The following ATXN7L1 variants were observed in gnomAD, a reference collection of about 807,000 sequenced individuals.
ATXN7L1 encodes ataxin 7 like 1.
In ATXN7L1, 15 loss-of-function variants were observed where a neutral mutation model predicts 70.8. The observed-to-expected ratio is 0.21, with a 90% CI of 0.14 to 0.33. The LOEUF is 0.33. Among genes scored for constraint, ATXN7L1 ranks in the 10% least tolerant of loss-of-function variants. The pLI is 1.00. For synonymous variants in ATXN7L1, 440 were observed against 445.1 expected (o/e 0.99, Z 0.14); for missense variants, 975 against 1,097.1 (o/e 0.89, Z 1.57).
intron 2 of ATXN7L1, among the ~76,000 whole-genome samples, chr7:105,865,539 C>T (rs1302399920): frequency 6.6e-6 from 1 of 151,954 alleles, no homozygotes; most frequent in African/African-American, 2.4e-5. Context: ...GCAGCTGGGA[C>T]TACAGGCACG....
At chr7:105,699,373 C>T (rs1792154455) in intron 3 of ATXN7L1, among the ~76,000 whole-genome samples, 1 of 152,150 alleles carries the variant, frequency 6.6e-6, no homozygotes, top group Non-Finnish European at 1.5e-5. Flanking sequence ...CTCAGGTGAT[C>T]TGCCTGCCTC....
chr7:105,722,969 G>C (rs1207849960), intron 3 of ATXN7L1, among the ~76,000 whole-genome samples: 1 of 152,054 alleles, frequency 6.6e-6, no homozygotes, highest in Non-Finnish European at 1.5e-5. Flanking sequence ...CCAGCAACTT[G>C]GGAGGCTGAG....
intron 2 of ATXN7L1, among the ~76,000 whole-genome samples, chr7:105,867,756 G>T (rs1478311386): frequency 6.6e-6 from 1 of 152,300 alleles, no homozygotes; most frequent in South Asian, 2.1e-4. Flanking sequence ...TTTTTCTTGT[G>T]TTCTTACCTC....
chr7:105,797,554 G>A (rs1806177822), intron 2 of ATXN7L1, among the ~76,000 whole-genome samples: 1 of 152,250 alleles, frequency 6.6e-6, no homozygotes. Context: ...TGCTTGCTGA[G>A]CCCTGGAGTT....
At chr7:105,688,475 A>G (rs1014674463) in intron 3 of ATXN7L1, among the ~76,000 whole-genome samples, 9 of 152,002 alleles carry the variant, frequency 5.9e-5, no homozygotes, top group Admixed American at 3.3e-4. Flanking sequence ...TCCAGGAGGT[A>G]GAGGCTGCAG....
chr7:105,733,641 T>TCCAC, intron 3 of ATXN7L1, among the ~76,000 whole-genome samples: 1 of 99,330 alleles, frequency 1.0e-5, no homozygotes, highest in African/African-American at 4.4e-5. Flanking sequence ...CACCCATCCA[T>TCCAC]CCATCCATCC....
chr7:105,691,282 C>T lies in ATXN7L1; in HGVS notation c.356-25994G>A, dbSNP rs375399245. Among the ~76,000 whole-genome samples, 9 of 152,172 alleles carry T rather than the reference C, an allele frequency of 5.9e-5. No individual in the cohort carries two copies. The East Asian group carries it at 1.3e-3, about 23-fold the overall frequency. On this transcript the variant is annotated intron_variant, in intron 3 of 11. Transcript: ENST00000419735. The stretch of plus-strand genomic sequence containing the variant: ...TGGCATCATTACTTTCATTTTACTC[C>T]GTTTGTGAACGACTAAAGGAAAACA...
At chr7:105,858,180 A>G (rs1318592607) in intron 2 of ATXN7L1, among the ~76,000 whole-genome samples, 1 of 152,156 alleles carries the variant, frequency 6.6e-6, no homozygotes, top group Non-Finnish European at 1.5e-5. Flanking sequence ...GCAGTGAGCT[A>G]TGATCATGCC....
intron 2 of ATXN7L1, among the ~76,000 whole-genome samples, chr7:105,840,642 G>T (rs1813068096): frequency 6.6e-6 from 1 of 152,130 alleles, no homozygotes. Context: ...GCTGTCAAAT[G>T]CTGGGCCAGA....
chr7:105,664,790 C>T (rs1352766094), intron 4 of ATXN7L1, among the ~76,000 whole-genome samples: 1 of 151,832 alleles, frequency 6.6e-6, no homozygotes, highest in African/African-American at 2.4e-5. Flanking sequence ...TGGTTTCAAA[C>T]TCCTGACCTC....
intron 3 of ATXN7L1, among the ~76,000 whole-genome samples, chr7:105,732,283 C>T (rs1380411733): frequency 6.6e-6 from 1 of 151,918 alleles, no homozygotes; most frequent in African/African-American, 2.4e-5. Context: ...CGTGGTGGTG[C>T]GTGCCTGTAG....
chr7:105,660,384 C>T (rs1463470282), intron 4 of ATXN7L1, among the ~76,000 whole-genome samples: 1 of 152,082 alleles, frequency 6.6e-6, no homozygotes, highest in African/African-American at 2.4e-5. Flanking sequence ...TCACATCCTG[C>T]CTCTCCCCAC....
chr7:105,807,161 A>C (rs1807737571), intron 2 of ATXN7L1, among the ~76,000 whole-genome samples: 1 of 152,202 alleles, frequency 6.6e-6, no homozygotes, highest in South Asian at 2.1e-4. Context: ...CCACAATGCC[A>C]GCTACATTGG....
Position 105,778,523 on chromosome 7 carries a change from A to AAAC in ATXN7L1, c.355+10080_355+10081insGTT, listed in dbSNP as rs1554460002. Among the ~76,000 whole-genome samples, 29 of 139,134 alleles carry AAAC rather than the reference A, an allele frequency of 2.1e-4. 1 individual carries two copies. The highest frequency in any genetic ancestry group is 8.1e-4 in the African/African-American group (29 of 35,938). The allele number at this position is 139,134 out of a possible 152,430, so 91.3% of individuals were successfully genotyped here. A position where few individuals can be genotyped will look rare whatever the true frequency, so the allele number is the denominator to read the frequency against. ...AAGACCCTATCTCAAAAAAAAAAAA[A>AAAC]AAAAAAAAAAAACAAAGACTAAATA... is the stretch of plus-strand genomic sequence containing the variant. On this transcript the variant is annotated intron_variant, in intron 3 of 11. Transcript: ENST00000419735.
At chr7:105,787,412 G>T (rs1375386752) in intron 3 of ATXN7L1, among the ~76,000 whole-genome samples, 1 of 152,096 alleles carries the variant, frequency 6.6e-6, no homozygotes, top group Non-Finnish European at 1.5e-5. Flanking sequence ...GAAAGTCCTG[G>T]ACTCACTCCC....
intron 3 of ATXN7L1, among the ~76,000 whole-genome samples, chr7:105,688,969 A>C (rs1319030815): frequency 1.3e-5 from 2 of 152,226 alleles, no homozygotes; most frequent in Non-Finnish European, 2.9e-5. Flanking sequence ...GTTGTTCCAG[A>C]AAAGACAAGA....
intron 9 of ATXN7L1, among the ~76,000 whole-genome samples, chr7:105,618,619 C>T (rs1011271564): frequency 2.0e-5 from 3 of 152,122 alleles, no homozygotes; most frequent in African/African-American, 4.8e-5. Flanking sequence ...TCTGTTCCCT[C>T]CCGTTTCTTA....
chr7:105,824,467 C>T (rs978099083), intron 2 of ATXN7L1, among the ~76,000 whole-genome samples: 8 of 151,886 alleles, frequency 5.3e-5, no homozygotes, highest in Non-Finnish European at 1.2e-4. Flanking sequence ...GAGAGAGAAA[C>T]CAAAACCAGG....
At chr7:105,691,481 AG>A (rs1231002475) in intron 3 of ATXN7L1, 1 of 152,140 alleles carries the variant, frequency 6.6e-6, no homozygotes. Context: ...TTCAAAAAAA[AG>A]TCTATAAATA....
Sources: allele counts gnomAD v4.1 joint callset (sites outside exome capture counted in the v4.1 genomes callset), GRCh38; gene constraint gnomAD v4.1.1; transcripts MANE v1.5; gene names NCBI Gene and HGNC (gene_info 2026-07-23, HGNC 2026-07-21).